Variants in UBE2G1 observed in about 807,000 individuals in gnomAD.
The protein encoded by UBE2G1 is ubiquitin-conjugating enzyme E2 G1.
UBE2G1 carries 5 observed loss-of-function variants against 22.7 expected under a neutral mutation model. The ratio of observed to expected loss-of-function variants is 0.22; its 90% confidence interval spans 0.12 to 0.46. The LOEUF (loss-of-function observed/expected upper bound fraction) is 0.46, where lower values mean the gene tolerates loss of function less well. Ranked by LOEUF, UBE2G1 falls within the 20% of genes least tolerant of loss-of-function variation. UBE2G1 has a pLI of 0.99. For missense variants in UBE2G1, 88 were observed against 203.9 expected, an observed-to-expected ratio of 0.43 and a Z score of 3.46; for synonymous variants, 74 against 67.5, an observed-to-expected ratio of 1.10 and a Z score of -0.47.
intron 1 of UBE2G1, among the ~76,000 whole-genome samples, chr17:4,318,638 C>T (rs914275219): frequency 1.3e-5 from 2 of 152,078 alleles, no homozygotes; most frequent in African/African-American, 4.8e-5. Context: ...CTAAGAATGC[C>T]ACCTTCTTCA....
intron 5 of UBE2G1, among the ~76,000 whole-genome samples, chr17:4,280,562 T>C (rs1352266283): frequency 6.6e-6 from 1 of 151,704 alleles, no homozygotes; most frequent in Non-Finnish European, 1.5e-5. Context: ...TGGACCAGGC[T>C]GGTCTTGTAA....
At position 4,294,628 on chromosome 17, in the gene UBE2G1, T is replaced by C. The variant is rs151096286; in HGVS notation, c.247+2089A>G. ...ATCTAATTTTCACAGATAGAAAACA[T>C]AGGCCTGGCGTGGTAGCTAATGCCT... On this transcript the variant is annotated intron_variant, in intron 3 of 5. Transcript: ENST00000396981. 2.9e-3 allele frequency among the ~76,000 whole-genome samples: 436 copies of C among 152,292 alleles called. 2 individuals carry two copies. Among genetic ancestry groups the C allele is most frequent in the African/African-American group, 9.9e-3 (410 of 41,554 alleles).
intron 2 of UBE2G1, among the ~76,000 whole-genome samples, chr17:4,303,766 G>C (rs1033578471): frequency 6.6e-6 from 1 of 152,172 alleles, no homozygotes; most frequent in East Asian, 1.9e-4. Flanking sequence ...ATGTAATTCA[G>C]AGTTTTGGTT....
chr17:4,360,674 G>A (rs751027968), intron 1 of UBE2G1, among the ~76,000 whole-genome samples: 3 of 152,058 alleles, frequency 2.0e-5, no homozygotes, highest in Non-Finnish European at 4.4e-5. Flanking sequence ...CACTTTGGGA[G>A]GCTGAGGCGG....
At chr17:4,345,369 A>C (rs1019465947) in intron 1 of UBE2G1, among the ~76,000 whole-genome samples, 1 of 152,252 alleles carries the variant, frequency 6.6e-6, no homozygotes, top group Non-Finnish European at 1.5e-5. Flanking sequence ...GCTCAATTTG[A>C]ATTTTAAACA....
chr17:4,352,065 C>T (rs1430272649), intron 1 of UBE2G1, among the ~76,000 whole-genome samples: 1 of 152,088 alleles, frequency 6.6e-6, no homozygotes, highest in Admixed American at 6.5e-5. Context: ...AGAGACCAGC[C>T]TGGCCAACAT....
chr17:4,284,746 A>G (rs1291335009), intron 4 of UBE2G1, among the ~76,000 whole-genome samples: 2 of 151,592 alleles, frequency 1.3e-5, no homozygotes, highest in Non-Finnish European at 2.9e-5. Flanking sequence ...TCATCCAAAT[A>G]GCCATATAGC....
At position 4,270,064 on chromosome 17, in the gene UBE2G1, C is replaced by G. The variant is rs1285071355; in HGVS notation, c.*2490G>C. 6.6e-6 allele frequency: 1 copy of G among 152,522 alleles called. No individual in the cohort carries two copies. The highest frequency in any genetic ancestry group is 1.5e-5 in the Non-Finnish European group (1 of 68,030). 9.4% of individuals were successfully genotyped at this position (152,522 alleles called of 1,614,324 possible). Reference sequence around the variant, plus strand: ...TAGGCCTGTTTCAGTATGTAACACACTCAGGGCAGGTGGAAAAGCATGTGG... The same window carrying G: ...TAGGCCTGTTTCAGTATGTAACACAGTCAGGGCAGGTGGAAAAGCATGTGG... On this transcript the variant is annotated 3_prime_UTR_variant, in exon 6 of 6. Transcript: ENST00000396981.
At chr17:4,319,576 A>T (rs1271942780) in intron 1 of UBE2G1, among the ~76,000 whole-genome samples, 1 of 152,176 alleles carries the variant, frequency 6.6e-6, no homozygotes. Context: ...CTCTACAAAA[A>T]ATACAAAAAT....
intron 1 of UBE2G1, among the ~76,000 whole-genome samples, chr17:4,316,887 C>G (rs1341358676): frequency 1.1e-4 from 16 of 145,630 alleles, no homozygotes; most frequent in African/African-American, 4.1e-4. Flanking sequence ...CTGCAGTAAC[C>G]TAAGAAGGTG....
intron 1 of UBE2G1, among the ~76,000 whole-genome samples, chr17:4,313,013 A>G (rs1228481091): frequency 6.6e-6 from 1 of 152,230 alleles, no homozygotes; most frequent in Non-Finnish European, 1.5e-5. Flanking sequence ...TCACGGGTAA[A>G]TGAAATTCAA....
intron 4 of UBE2G1, among the ~76,000 whole-genome samples, chr17:4,286,094 G>A (rs1968959784): frequency 6.6e-6 from 1 of 152,036 alleles, no homozygotes; most frequent in African/African-American, 2.4e-5. Context: ...GGTGTAATAT[G>A]AGAGAAGAAA....
At chr17:4,317,852 T>G (rs944460826) in intron 1 of UBE2G1, among the ~76,000 whole-genome samples, 6 of 152,210 alleles carry the variant, frequency 3.9e-5, no homozygotes, top group African/African-American at 1.4e-4. Flanking sequence ...CTGCCAAGAT[T>G]TGTCGCAGCA....
At chr17:4,328,225 A>G (rs1017528148) in intron 1 of UBE2G1, among the ~76,000 whole-genome samples, 1 of 152,230 alleles carries the variant, frequency 6.6e-6, no homozygotes. Flanking sequence ...GAGAACCCAT[A>G]TATTAAGCTA....
chr17:4,329,048 T>C (rs1023794222), intron 1 of UBE2G1, among the ~76,000 whole-genome samples: 4 of 136,100 alleles, frequency 2.9e-5, no homozygotes, highest in Non-Finnish European at 6.1e-5. Context: ...GGAGCTTCAG[T>C]GAGCAGAGAT....
chr17:4,309,182 C>T (rs1485507258), intron 1 of UBE2G1, among the ~76,000 whole-genome samples: 1 of 152,240 alleles, frequency 6.6e-6, no homozygotes, highest in Admixed American at 6.5e-5. Context: ...ATCACTTGAA[C>T]TGGAAGGCAG....
At chr17:4,286,390 G>A (rs901010534) in intron 4 of UBE2G1, among the ~76,000 whole-genome samples, 4 of 138,792 alleles carry the variant, frequency 2.9e-5, no homozygotes, top group Middle Eastern at 3.5e-3. Flanking sequence ...GAGTAACAGA[G>A]TGAGACTCTG....
Position 4,311,065 on chromosome 17 carries a change from AG to A in UBE2G1, c.47-3943del, listed in dbSNP as rs112475993. ...GTCTCTACCAAAAAAAAGAAACAAAAGAGTACAAAAATTAGCCAGGCACAGT... is the reference window on the plus strand; with the variant it reads ...GTCTCTACCAAAAAAAAGAAACAAAAAGTACAAAAATTAGCCAGGCACAGT... On this transcript the variant is annotated intron_variant, in intron 1 of 5. Coordinates refer to ENST00000396981, the MANE Select transcript of UBE2G1 (RefSeq NM_003342.5). Among the ~76,000 whole-genome samples the A allele has an allele frequency of 1.2e-3, 181 of 151,924 alleles. 3 individuals carry two copies. The highest frequency in any genetic ancestry group is 4.2e-3 in the African/African-American group (172 of 41,404).
intron 2 of UBE2G1, chr17:4,301,439 T>C: frequency 1.4e-6 from 1 of 692,214 alleles, no homozygotes; most frequent in Non-Finnish European, 2.7e-6. Context: ...TATTGATGTG[T>C]TTCCTTGGCT....
Sources: allele counts gnomAD v4.1 joint callset (sites outside exome capture counted in the v4.1 genomes callset), GRCh38; gene constraint gnomAD v4.1.1; transcripts MANE v1.5; gene names NCBI Gene and HGNC (gene_info 2026-07-23, HGNC 2026-07-21).